The following CLCN5 variants were observed in gnomAD, a reference collection of about 807,000 sequenced individuals.
CLCN5 encodes Cl-/H+ antiporter 5.
Under a neutral mutation model 54.0 loss-of-function variants are expected in CLCN5, and 17 were observed. The ratio of observed to expected loss-of-function variants is 0.31; its 90% CI spans 0.22 to 0.47. The LOEUF (loss-of-function observed/expected upper bound fraction) is 0.47, where lower values mean the gene tolerates loss of function less well. Ranked by LOEUF, CLCN5 falls within the 20% of genes least tolerant of loss-of-function variation. CLCN5 has a pLI of 1.00. For missense variants in CLCN5, 448 were observed against 646.7 expected, an observed-to-expected ratio of 0.69 and a Z score of 3.33; for synonymous variants, 222 against 233.0, an observed-to-expected ratio of 0.95 and a Z score of 0.43.
chrX:50,057,479 C>G (rs1557189114), intron 4 of CLCN5, among the ~76,000 whole-genome samples: 178 of 4,873 alleles, frequency 0.037, 8 homozygotes, highest in African/African-American at 0.15. Flanking sequence ...ATCCAGGACT[C>G]TCCTGGATAG....
intron 4 of CLCN5, among the ~76,000 whole-genome samples, chrX:50,065,702 T>G (rs185955197): frequency 4.1e-4 from 43 of 104,644 alleles, no homozygotes; most frequent in South Asian, 9.1e-4. Flanking sequence ...GCTATAAAGA[T>G]ACATGCACAC....
intron 4 of CLCN5, among the ~76,000 whole-genome samples, chrX:50,069,061 T>C (rs1268228101): frequency 8.9e-6 from 1 of 112,026 alleles, no homozygotes; most frequent in African/African-American, 3.2e-5. Flanking sequence ...TTCTTGGATA[T>C]GTGCTAGACA....
chrX:49,939,404 A>G (rs1404732661), intron 3 of CLCN5, among the ~76,000 whole-genome samples: 1 of 111,315 alleles, frequency 9.0e-6, no homozygotes, highest in African/African-American at 3.3e-5. Context: ...TCCAGCAATG[A>G]TAGACCGGAT....
At chrX:50,072,317 G>A (rs1378361672) in intron 5 of CLCN5, among the ~76,000 whole-genome samples, 172 bp from the exon 6 acceptor site, 4 of 111,405 alleles carry the variant, frequency 3.6e-5, no homozygotes, top group Non-Finnish European at 5.7e-5. Flanking sequence ...GTGGGGTTTC[G>A]GTAAACCTCA....
At chrX:50,010,210 C>CTTCCT (rs782692167) in intron 3 of CLCN5, among the ~76,000 whole-genome samples, 18 of 101,905 alleles carry the variant, frequency 1.8e-4, no homozygotes, top group African/African-American at 5.8e-4. Flanking sequence ...TCTTTCTTTC[C>CTTCCT]TTCCTTTCCT....
Position 50,077,394 on chromosome X carries a change from A to T in CLCN5, c.603+1412A>T, listed in dbSNP as rs782407911. Among the ~76,000 whole-genome samples, 4 of 108,825 alleles carry T rather than the reference A, an allele frequency of 3.7e-5. No homozygotes were observed. In the East Asian group the frequency reaches 8.7e-4, roughly 24 times the overall value. 94.5% of individuals were successfully genotyped at this position (108,825 alleles called of 115,157 possible). A position where few individuals can be genotyped will look rare whatever the true frequency, so the allele number is the denominator to read the frequency against. ...CATTACTTTTTCCTGAATATTTGGA[A>T]TTTTTTTTCAAAAATTATATGTAAA... On this transcript the variant is annotated intron_variant, in intron 7 of 14. Transcript: ENST00000376091.
chrX:49,995,845 G>A (rs1400569308), intron 3 of CLCN5, among the ~76,000 whole-genome samples: 1 of 111,789 alleles, frequency 8.9e-6, no homozygotes, highest in Non-Finnish European at 1.9e-5. Context: ...AGCTGGAGGG[G>A]TTGGGAAATA....
At chrX:49,979,743 C>T (rs907701477) in intron 3 of CLCN5, among the ~76,000 whole-genome samples, 15 of 111,466 alleles carry the variant, frequency 1.3e-4, no homozygotes, top group African/African-American at 4.2e-4. Flanking sequence ...TATCACTTCA[C>T]ATGTATTACA....
chrX:50,089,436 C>T lies in CLCN5; in HGVS notation c.1744+552C>T, dbSNP rs575939572. Among the ~76,000 whole-genome samples, 6 of 112,268 alleles carry T rather than the reference C, an allele frequency of 5.3e-5. No individual in the cohort carries two copies. In the South Asian group the frequency reaches 2.2e-3, roughly 41 times the overall value. ...ACATATGTTTTTGCATAGAAAAAAA[C>T]TTGAAAAAGTCATTCAGAATTTTTA... On this transcript the variant is annotated intron_variant, in intron 12 of 14. Transcript: ENST00000376091.
intron 4 of CLCN5, among the ~76,000 whole-genome samples, chrX:50,048,700 A>G (rs1481145585): frequency 9.0e-6 from 1 of 110,932 alleles, no homozygotes; most frequent in Non-Finnish European, 1.9e-5. Flanking sequence ...AACATGCTCT[A>G]GGCTCATATT....
intron 3 of CLCN5, among the ~76,000 whole-genome samples, chrX:49,939,722 G>A (rs1052902709): frequency 2.7e-5 from 3 of 110,792 alleles, no homozygotes; most frequent in Non-Finnish European, 5.7e-5. Context: ...ACACCAACAT[G>A]GCACATGTAT....
chrX:50,082,874 C>G (rs948168630), intron 9 of CLCN5, among the ~76,000 whole-genome samples: 20 of 111,227 alleles, frequency 1.8e-4, no homozygotes, highest in Admixed American at 1.0e-3. Context: ...GAATTAGTTT[C>G]TCTCTGTATT....
chrX:49,928,680 C>T (rs1035875605), intron 3 of CLCN5, among the ~76,000 whole-genome samples: 43 of 111,849 alleles, frequency 3.8e-4, no homozygotes, highest in Admixed American at 1.9e-4. Context: ...AATCCCAGCA[C>T]TTTGTGAGGC....
chrX:49,971,463 A>G (rs1015083333), intron 3 of CLCN5, among the ~76,000 whole-genome samples: 3 of 109,662 alleles, frequency 2.7e-5, no homozygotes, highest in Admixed American at 9.9e-5. Flanking sequence ...AAAGCATTCA[A>G]TTTTTCACCA....
chrX:49,996,844 T>G (rs1929547790), intron 3 of CLCN5, among the ~76,000 whole-genome samples: 2 of 111,951 alleles, frequency 1.8e-5, no homozygotes, highest in Admixed American at 1.9e-4. Context: ...ATTCACCCTC[T>G]TCTCTCTGTC....
intron 4 of CLCN5, among the ~76,000 whole-genome samples, chrX:50,046,980 C>T (rs2095288580): frequency 9.0e-6 from 1 of 111,199 alleles, no homozygotes; most frequent in Non-Finnish European, 1.9e-5. Flanking sequence ...TTCCCCCATA[C>T]TGCCTGCTGA....
intron 3 of CLCN5, among the ~76,000 whole-genome samples, chrX:50,000,218 G>A (rs1156932804): frequency 9.1e-6 from 1 of 110,380 alleles, no homozygotes; most frequent in African/African-American, 3.3e-5. Context: ...TGATATGCAT[G>A]TAAGGGAGAC....
chrX:49,944,616 G>A (rs782566114), intron 3 of CLCN5, among the ~76,000 whole-genome samples: 1 of 110,883 alleles, frequency 9.0e-6, no homozygotes, highest in South Asian at 3.8e-4. Flanking sequence ...TAGCATGAAG[G>A]TTGTTGAATT....
At chrX:49,923,272 C>G (rs1925164115) in intron 1 of CLCN5, 135 bp from the exon 2 acceptor site, 1 of 113,360 alleles carries the variant, frequency 8.8e-6, no homozygotes, top group Admixed American at 9.2e-5. Context: ...AGTTGCTGCG[C>G]TGTTTTCCTT....
Sources: allele counts gnomAD v4.1 joint callset (sites outside exome capture counted in the v4.1 genomes callset), GRCh38; gene constraint gnomAD v4.1.1; transcripts MANE v1.5; gene names NCBI Gene and HGNC (gene_info 2026-07-23, HGNC 2026-07-21).